The following STK32A variants were observed in gnomAD, a reference collection of about 807,000 sequenced individuals.
STK32A encodes the protein serine/threonine kinase 32A, also known as serine/threonine-protein kinase 32A.
A neutral mutation model predicts 53.2 loss-of-function variants in STK32A; 41 were observed. The observed-to-expected ratio is 0.77, with a 90% CI of 0.60 to 1.00. The LOEUF is 1.00. Ranked by LOEUF, STK32A falls within the 50% of genes least tolerant of loss-of-function variation. The probability of loss-of-function intolerance (pLI) is 0.00; values close to 1 mark genes in which losing one functional copy is unlikely to be tolerated. For missense variants in STK32A, 458 were observed against 485.8 expected (o/e 0.94, Z 0.54); for synonymous variants, 166 against 162.8 (o/e 1.02, Z -0.15).
intron 10 of STK32A, among the ~76,000 whole-genome samples, chr5:147,373,576 C>T (rs530910522): frequency 6.6e-6 from 1 of 152,166 alleles, no homozygotes; most frequent in South Asian, 2.1e-4. Context: ...AAAGGAAGTC[C>T]TAGTTCCCCA....
chr5:147,340,007 G>T (rs1186233931), intron 5 of STK32A, among the ~76,000 whole-genome samples: 3 of 152,186 alleles, frequency 2.0e-5, no homozygotes, highest in Admixed American at 1.3e-4. Context: ...AGAACTGAGG[G>T]TTCCTCCCCA....
At chr5:147,397,913 G>C in the STK32A span, 1 of 1,417,654 alleles carries the variant, frequency 7.1e-7, no homozygotes, top group Non-Finnish European at 9.4e-7. Context: ...TTCTCTCCTT[G>C]AGACCTTCAG....
At chr5:147,369,512 A>G (rs1304984093) in intron 8 of STK32A, among the ~76,000 whole-genome samples, 1 of 152,198 alleles carries the variant, frequency 6.6e-6, no homozygotes, top group Non-Finnish European at 1.5e-5. Context: ...TTTTTCCAGC[A>G]ATCTCATGAG....
Position 147,325,316 on chromosome 5 carries a change from T to C in STK32A, c.434+1245T>C, listed in dbSNP as rs188649088. Among the ~76,000 whole-genome samples, 130 of 124,784 alleles carry C rather than the reference T, an allele frequency of 1.0e-3. 1 individual carries two copies. The highest frequency in any genetic ancestry group is 5.2e-3 in the African/African-American group (123 of 23,494). The allele number at this position is 124,784 out of a possible 152,430, so 81.9% of individuals were successfully genotyped here. ...CTGTAATTTATTTTTTAAACCTTTA[T>C]ATATATATATATATATTAGAGAGAT... On this transcript the variant is annotated intron_variant, in intron 5 of 12. Transcript: ENST00000397936.
At chr5:147,355,521 CA>C (rs918822003) in intron 7 of STK32A, among the ~76,000 whole-genome samples, 1 of 151,152 alleles carries the variant, frequency 6.6e-6, no homozygotes, top group Non-Finnish European at 1.5e-5. Context: ...AAAAAATACA[CA>C]AAAAAATTAG....
At chr5:147,401,379 C>T in the STK32A span, among the ~76,000 whole-genome samples, 1 of 152,148 alleles carries the variant, frequency 6.6e-6, no homozygotes, top group Non-Finnish European at 1.5e-5. Context: ...TGGGGAAGAG[C>T]CTGCTTTCTA....
chr5:147,268,644 C>G (rs1161544703), intron 2 of STK32A, among the ~76,000 whole-genome samples: 1 of 152,138 alleles, frequency 6.6e-6, no homozygotes, highest in Admixed American at 6.6e-5. Context: ...TCTCTACATT[C>G]AGCCAGTTCC....
chr5:147,400,566 C>G, the STK32A span: 1 of 1,292,888 alleles, frequency 7.7e-7, no homozygotes, highest in East Asian at 2.4e-5. Context: ...GTTCCAGAGA[C>G]ATCTCAGCAA....
intron 4 of STK32A, among the ~76,000 whole-genome samples, chr5:147,300,250 A>G (rs963972596): frequency 2.6e-5 from 4 of 152,164 alleles, no homozygotes; most frequent in Non-Finnish European, 2.9e-5. Context: ...CTGAGGCTCA[A>G]AGGAGCTAAA....
intron 6 of STK32A, chr5:147,348,954 A>G (rs948583149): frequency 6.5e-5 from 31 of 477,812 alleles, no homozygotes; most frequent in African/African-American, 5.9e-4. Flanking sequence ...TAACACAGCT[A>G]GTTAGTGGTA....
intron 2 of STK32A, among the ~76,000 whole-genome samples, chr5:147,253,176 T>G (rs555880759): frequency 6.6e-6 from 1 of 152,280 alleles, no homozygotes; most frequent in African/African-American, 2.4e-5. Flanking sequence ...AGATTGCAAT[T>G]TTGTAACTTT....
intron 4 of STK32A, among the ~76,000 whole-genome samples, chr5:147,319,420 G>A (rs1754186986): frequency 6.6e-6 from 1 of 152,092 alleles, no homozygotes; most frequent in Non-Finnish European, 1.5e-5. Flanking sequence ...GGGATTACAG[G>A]CATGAGCCAC....
chr5:147,277,595 A>G (rs566007564), intron 2 of STK32A, among the ~76,000 whole-genome samples: 1 of 152,294 alleles, frequency 6.6e-6, no homozygotes, highest in African/African-American at 2.4e-5. Context: ...CTTAGATACA[A>G]AAGAGTGGTT....
At chr5:147,380,547 G>A (rs1757412209) in intron 11 of STK32A, among the ~76,000 whole-genome samples, 1 of 152,082 alleles carries the variant, frequency 6.6e-6, no homozygotes, top group African/African-American at 2.4e-5. Context: ...GAAGTATTTT[G>A]TTGCAGAATT....
intron 2 of STK32A, among the ~76,000 whole-genome samples, chr5:147,262,751 C>T (rs1370714877): frequency 1.3e-5 from 2 of 152,090 alleles, no homozygotes; most frequent in African/African-American, 2.4e-5. Flanking sequence ...AGAAGAGCTT[C>T]ACTATCAACG....
intron 5 of STK32A, among the ~76,000 whole-genome samples, chr5:147,335,768 C>T (rs558778137): frequency 2.6e-5 from 4 of 152,284 alleles, no homozygotes; most frequent in Admixed American, 1.3e-4. Context: ...TCCCAAAGCA[C>T]ACAAAATACA....
chr5:147,388,956 T>C (rs1757734443), downstream of STK32A, among the ~76,000 whole-genome samples: 1 of 152,104 alleles, frequency 6.6e-6, no homozygotes, highest in African/African-American at 2.4e-5. Flanking sequence ...ACTTCACCAA[T>C]CCTGAGTTAG....
At chr5:147,351,722 C>A (rs898270510) in intron 7 of STK32A, among the ~76,000 whole-genome samples, 4 of 152,100 alleles carry the variant, frequency 2.6e-5, no homozygotes, top group Admixed American at 1.3e-4. Context: ...TAGCATGCGC[C>A]TGTAGTCCCA....
At chr5:147,248,115 C>A (rs1303870320) in intron 2 of STK32A, among the ~76,000 whole-genome samples, 2 of 135,924 alleles carry the variant, frequency 1.5e-5, no homozygotes, top group African/African-American at 6.2e-5. Context: ...GAGCAAAACT[C>A]CGTCTCAAAA....
Sources: gnomAD v4.1 joint callset for allele counts (sites outside exome capture counted in the v4.1 genomes callset) on GRCh38, gnomAD v4.1.1 for gene constraint, MANE v1.5 for transcripts, NCBI Gene and HGNC (gene_info 2026-07-23, HGNC 2026-07-21) for gene names.